Variants in NALCN observed in about 807,000 individuals in gnomAD.
NALCN encodes the protein sodium leak channel NALCN.
Under a neutral mutation model 225.3 loss-of-function variants are expected in NALCN, and 111 were observed. That is an observed-to-expected ratio of 0.49 (90% CI 0.42 to 0.58). NALCN has a LOEUF of 0.58. Among genes scored for constraint, NALCN ranks in the 20% least tolerant of loss-of-function variants. NALCN has a pLI of 0.00. For missense variants in NALCN, 1,378 were observed against 2,202.4 expected (o/e 0.63, Z 7.49); for synonymous variants, 764 against 769.0 (o/e 0.99, Z 0.11).
intron 42 of NALCN, 33 bp downstream of exon 42, chr13:101,059,785 T>A: frequency 6.3e-7 from 1 of 1,590,064 alleles, no homozygotes; most frequent in Non-Finnish European, 8.6e-7. Context: ...GCCCACAGAG[T>A]GTCCTGGGAC....
At chr13:101,192,485 T>G (rs1191557343) in intron 13 of NALCN, among the ~76,000 whole-genome samples, 1 of 152,330 alleles carries the variant, frequency 6.6e-6, no homozygotes, top group East Asian at 1.9e-4. Flanking sequence ...TAATTTTATT[T>G]TTATGGTACC....
chr13:101,294,775 A>G (rs959279525), intron 7 of NALCN, among the ~76,000 whole-genome samples: 2 of 152,274 alleles, frequency 1.3e-5, no homozygotes, highest in African/African-American at 4.8e-5. Flanking sequence ...ATCTGTATGC[A>G]GAAGTACAGT....
At chr13:101,186,173 A>G (rs2039439784) in intron 14 of NALCN, among the ~76,000 whole-genome samples, 1 of 152,234 alleles carries the variant, frequency 6.6e-6, no homozygotes, top group African/African-American at 2.4e-5. Context: ...CAGATTGGGA[A>G]CAACTGGGAA....
intron 9 of NALCN, among the ~76,000 whole-genome samples, chr13:101,290,246 G>A (rs1012995762): frequency 4.6e-5 from 7 of 152,028 alleles, no homozygotes; most frequent in African/African-American, 1.7e-4. Context: ...ATTTTTTCCA[G>A]CTGTGATTTT....
intron 13 of NALCN, among the ~76,000 whole-genome samples, chr13:101,210,652 C>G (rs763731430): frequency 6.6e-6 from 1 of 152,062 alleles, no homozygotes; most frequent in Non-Finnish European, 1.5e-5. Flanking sequence ...GAGTGCCCAC[C>G]ATTCCATTAA....
chr13:101,085,934 G>A (rs2033907433), intron 30 of NALCN, among the ~76,000 whole-genome samples: 2 of 152,002 alleles, frequency 1.3e-5, no homozygotes, highest in Non-Finnish European at 2.9e-5. Flanking sequence ...AATTTGTTGA[G>A]CTGCTTCTGT....
intron 15 of NALCN, among the ~76,000 whole-genome samples, chr13:101,175,159 A>T (rs867205344): frequency 6.6e-6 from 1 of 152,122 alleles, no homozygotes; most frequent in African/African-American, 2.4e-5. Context: ...GAAGATGCCC[A>T]TTTGCCTGGG....
chr13:101,263,132 T>C (rs1325218896), intron 10 of NALCN, among the ~76,000 whole-genome samples: 1 of 152,192 alleles, frequency 6.6e-6, no homozygotes, highest in Non-Finnish European at 1.5e-5. Context: ...GACATGCCAG[T>C]GACATCGGGA....
chr13:101,399,195 C>T, intron 1 of NALCN, 30 bp from the exon 2 acceptor site: 1 of 1,572,780 alleles, frequency 6.4e-7, no homozygotes, highest in East Asian at 2.3e-5. Flanking sequence ...TATTTGTCAT[C>T]TAAACCATCT....
chr13:101,273,068 T>C (rs910016001), intron 10 of NALCN, among the ~76,000 whole-genome samples: 5 of 152,216 alleles, frequency 3.3e-5, no homozygotes, highest in African/African-American at 7.2e-5. Flanking sequence ...CTGACATCCA[T>C]TGTACCACGT....
chr13:101,223,418 T>C (rs543731590), intron 13 of NALCN, among the ~76,000 whole-genome samples: 52 of 152,324 alleles, frequency 3.4e-4, no homozygotes, highest in Admixed American at 1.2e-3. Context: ...CTTTTTGGAA[T>C]GGCTTGAGGC....
At chr13:101,063,114 G>A (rs2032095969) in intron 40 of NALCN, among the ~76,000 whole-genome samples, 1 of 152,172 alleles carries the variant, frequency 6.6e-6, no homozygotes. Context: ...GATGCACCCA[G>A]GTGTAGCCAC....
intron 3 of NALCN, among the ~76,000 whole-genome samples, chr13:101,393,235 G>A (rs567890660): frequency 6.6e-6 from 1 of 152,246 alleles, no homozygotes; most frequent in African/African-American, 2.4e-5. Flanking sequence ...TCTCAAAAGG[G>A]AAATGCAAAT....
At chr13:101,108,424 A>C (rs2035257395) in intron 20 of NALCN, among the ~76,000 whole-genome samples, 1 of 152,188 alleles carries the variant, frequency 6.6e-6, no homozygotes, top group South Asian at 2.1e-4. Context: ...AATTCAAAAT[A>C]AGTATGTAAG....
At chr13:101,158,224 A>T (rs1158533315) in intron 15 of NALCN, among the ~76,000 whole-genome samples, 1 of 152,186 alleles carries the variant, frequency 6.6e-6, no homozygotes, top group Non-Finnish European at 1.5e-5. Context: ...GTTAACATAT[A>T]ATTTGTGTGA....
chr13:101,369,971 C>A (rs2046491971), intron 6 of NALCN, among the ~76,000 whole-genome samples: 1 of 152,112 alleles, frequency 6.6e-6, no homozygotes, highest in Admixed American at 6.6e-5. Context: ...TTCTCCTTTC[C>A]TGCTTTTAGC....
At chr13:101,064,680 G>A (rs1168102873) in intron 40 of NALCN, among the ~76,000 whole-genome samples, 1 of 152,062 alleles carries the variant, frequency 6.6e-6, no homozygotes, top group Non-Finnish European at 1.5e-5. Flanking sequence ...CAGCAGCCAG[G>A]GGAGAGGCTA....
chr13:101,177,091 C>T (rs574306504), intron 14 of NALCN, among the ~76,000 whole-genome samples: 1 of 152,228 alleles, frequency 6.6e-6, no homozygotes, highest in South Asian at 2.1e-4. Flanking sequence ...TGGAGAGGTC[C>T]ATGTGGTGAG....
chr13:101,178,209 G>A (rs533139942), intron 14 of NALCN, among the ~76,000 whole-genome samples: 43 of 152,284 alleles, frequency 2.8e-4, no homozygotes, highest in African/African-American at 1.0e-3. Flanking sequence ...CCCGAATTCT[G>A]AGATGTTCAC....
Sources: allele counts gnomAD v4.1 joint callset (sites outside exome capture counted in the v4.1 genomes callset), GRCh38; gene constraint gnomAD v4.1.1; transcripts MANE v1.5; gene names NCBI Gene and HGNC (gene_info 2026-07-23, HGNC 2026-07-21).